The following ARSJ variants were observed in gnomAD, a reference collection of about 807,000 sequenced individuals.
ARSJ encodes arylsulfatase family member J.
A neutral mutation model predicts 35.9 loss-of-function variants in ARSJ; 26 were observed. The ratio of observed to expected loss-of-function variants is 0.72; its 90% CI spans 0.53 to 1.00. ARSJ has a LOEUF of 1.00. Ranked by LOEUF, ARSJ falls within the 50% of genes least tolerant of loss-of-function variation. ARSJ has a pLI of 0.00. For synonymous variants in ARSJ, 294 were observed against 267.6 expected (o/e 1.10, Z -0.96); for missense variants, 667 against 723.6 (o/e 0.92, Z 0.90).
At chr4:113,949,180 T>C (rs1016453121) in intron 1 of ARSJ, among the ~76,000 whole-genome samples, 2 of 150,246 alleles carry the variant, frequency 1.3e-5, no homozygotes, top group African/African-American at 4.9e-5. Context: ...TAACAGGGGG[T>C]TGCGGGTGGG....
chr4:113,925,545 C>A (rs1724000676), intron 1 of ARSJ, among the ~76,000 whole-genome samples: 1 of 152,138 alleles, frequency 6.6e-6, no homozygotes, highest in African/African-American at 2.4e-5. Context: ...GGCCACTCCA[C>A]CATTCTATCA....
At chr4:113,927,730 G>A (rs980000407) in intron 1 of ARSJ, among the ~76,000 whole-genome samples, 3 of 152,166 alleles carry the variant, frequency 2.0e-5, no homozygotes, top group South Asian at 2.1e-4. Flanking sequence ...AGAATCCATT[G>A]TCATTCTCCA....
intron 1 of ARSJ, among the ~76,000 whole-genome samples, chr4:113,968,924 A>G (rs1295134908): frequency 1.3e-5 from 2 of 152,236 alleles, no homozygotes; most frequent in South Asian, 2.1e-4. Context: ...CTCAATACCT[A>G]TGAACCCTAA....
intron 1 of ARSJ, among the ~76,000 whole-genome samples, chr4:113,920,488 T>G (rs2149258279): frequency 6.6e-6 from 1 of 152,254 alleles, no homozygotes; most frequent in Middle Eastern, 3.4e-3. Flanking sequence ...ACTAACAAAA[T>G]TTCTTCTATT....
chr4:113,961,554 C>A (rs1440530791), intron 1 of ARSJ, among the ~76,000 whole-genome samples: 1 of 152,026 alleles, frequency 6.6e-6, no homozygotes, highest in African/African-American at 2.4e-5. Context: ...CAAAAGCCAG[C>A]AGTAATACAA....
chr4:113,923,092 T>C lies in ARSJ; in HGVS notation c.399-19417A>G, dbSNP rs1005707081. On this transcript the variant is annotated intron_variant, in intron 1 of 1. Coordinates refer to ENST00000315366, the MANE Select transcript of ARSJ (RefSeq NM_024590.4). ...TTGCCTTAGGACTTGCACTGCTGCA[T>C]TGGGGTCTTTCTCCTCTGGGTCTCC... Among the ~76,000 whole-genome samples, 24 of 152,276 alleles carry C rather than the reference T, an allele frequency of 1.6e-4. 1 individual carries two copies. The highest frequency in any genetic ancestry group is 1.0e-3 in the South Asian group (5 of 4,826).
intron 1 of ARSJ, among the ~76,000 whole-genome samples, chr4:113,913,474 C>T (rs545580398): frequency 2.0e-5 from 3 of 151,862 alleles, no homozygotes; most frequent in African/African-American, 7.2e-5. Flanking sequence ...ACCCATACTT[C>T]AAAAAAATAA....
intron 1 of ARSJ, among the ~76,000 whole-genome samples, chr4:113,948,391 T>C (rs981397466): frequency 1.7e-4 from 26 of 152,122 alleles, no homozygotes; most frequent in African/African-American, 6.0e-4. Context: ...GGAAAAACTT[T>C]AAAATTGTTA....
At chr4:113,916,014 T>C (rs921373899) in intron 1 of ARSJ, among the ~76,000 whole-genome samples, 3 of 152,226 alleles carry the variant, frequency 2.0e-5, no homozygotes, top group Non-Finnish European at 4.4e-5. Flanking sequence ...CTAGCAACTC[T>C]CTTATTTTCT....
At chr4:113,924,033 AT>A (rs1562345350) in intron 1 of ARSJ, among the ~76,000 whole-genome samples, 10 of 3,728 alleles carry the variant, frequency 2.7e-3, no homozygotes, top group Non-Finnish European at 4.5e-3. Flanking sequence ...ATATATATAT[AT>A]AAATATATAT....
intron 1 of ARSJ, among the ~76,000 whole-genome samples, chr4:113,966,045 G>A (rs1318551535): frequency 6.6e-6 from 1 of 151,646 alleles, no homozygotes; most frequent in Non-Finnish European, 1.5e-5. Flanking sequence ...GAAGATTAGG[G>A]ACAATGTTTT....
intron 1 of ARSJ, among the ~76,000 whole-genome samples, chr4:113,918,507 G>A (rs4588524): frequency 0.62 from 94,237 of 152,004 alleles, 30,460 homozygotes; most frequent in Middle Eastern, 0.74. Flanking sequence ...GGGGTCTTTA[G>A]TGATTTGTAA....
intron 1 of ARSJ, among the ~76,000 whole-genome samples, chr4:113,957,076 C>A (rs1183575935): frequency 1.3e-5 from 2 of 151,990 alleles, no homozygotes; most frequent in Admixed American, 6.6e-5. Context: ...GTGTATTTTA[C>A]TTTAGAATAA....
chr4:113,938,949 A>G (rs964973108), intron 1 of ARSJ, among the ~76,000 whole-genome samples: 2 of 151,670 alleles, frequency 1.3e-5, no homozygotes, highest in East Asian at 3.9e-4. Flanking sequence ...TTTAGGGTAC[A>G]TGTGCACAAT....
intron 1 of ARSJ, among the ~76,000 whole-genome samples, chr4:113,975,660 T>G (rs1194227460): frequency 2.6e-5 from 4 of 152,144 alleles, no homozygotes; most frequent in Non-Finnish European, 4.4e-5. Flanking sequence ...CACATCAATA[T>G]AAAATGGGCA....
chr4:113,976,924 A>G (rs148917086), intron 1 of ARSJ, among the ~76,000 whole-genome samples: 1 of 152,368 alleles, frequency 6.6e-6, no homozygotes, highest in East Asian at 1.9e-4. Context: ...TCAGTGCAAG[A>G]TAATGTTTAA....
At chr4:113,939,730 T>C (rs907656209) in intron 1 of ARSJ, among the ~76,000 whole-genome samples, 9 of 152,292 alleles carry the variant, frequency 5.9e-5, no homozygotes, top group Non-Finnish European at 1.3e-4. Flanking sequence ...TGTCTGTTCA[T>C]ATCCCTTGCC....
intron 1 of ARSJ, among the ~76,000 whole-genome samples, chr4:113,924,512 C>T (rs1723929917): frequency 6.6e-6 from 1 of 151,958 alleles, no homozygotes; most frequent in Admixed American, 6.6e-5. Flanking sequence ...ACAAGTCCAC[C>T]CCTTGTCAAC....
chr4:113,957,958 G>C (rs540458537), intron 1 of ARSJ, among the ~76,000 whole-genome samples: 1 of 152,138 alleles, frequency 6.6e-6, no homozygotes, highest in Non-Finnish European at 1.5e-5. Flanking sequence ...CTATGCTAAG[G>C]TGCTCAAGAA....
Sources: gnomAD v4.1 joint callset for allele counts (sites outside exome capture counted in the v4.1 genomes callset) on GRCh38, gnomAD v4.1.1 for gene constraint, MANE v1.5 for transcripts, NCBI Gene and HGNC (gene_info 2026-07-23, HGNC 2026-07-21) for gene names.